Variants in TLR2 observed in about 807,000 individuals in gnomAD.
The protein encoded by TLR2 is toll-like receptor 2.
In TLR2, 7 loss-of-function variants were observed where a neutral mutation model predicts 9.1. The ratio of observed to expected loss-of-function variants is 0.77; its 90% CI spans 0.44 to 1.44. The LOEUF is 1.44. Ranked by LOEUF, TLR2 falls within the 40% of genes most tolerant of loss-of-function variation. TLR2 has a pLI of 0.01. For synonymous variants in TLR2, 317 were observed against 344.6 expected, an observed-to-expected ratio of 0.92 and a Z score of 0.89; for missense variants, 812 against 904.6, an observed-to-expected ratio of 0.90 and a Z score of 1.31.
chr4:153,710,483 C>A (rs757943437), downstream of TLR2: 1 of 1,609,230 alleles, frequency 6.2e-7, no homozygotes. Flanking sequence ...AATGTGTGCG[C>A]TCCCAGCTAA....
intron 1 of TLR2, among the ~76,000 whole-genome samples, 166 bp from the exon 2 acceptor site, chr4:153,687,736 C>T (rs977734647): frequency 1.2e-4 from 18 of 151,566 alleles, no homozygotes; most frequent in African/African-American, 4.4e-4. Context: ...AGGCAGACTC[C>T]TAGCTGAAGC....
intron 1 of TLR2, among the ~76,000 whole-genome samples, chr4:153,686,665 A>G (rs569246523): frequency 1.3e-5 from 2 of 152,310 alleles, no homozygotes; most frequent in East Asian, 1.9e-4. Context: ...TTTTGAATTT[A>G]TAAGTACTTA....
chr4:153,708,538 G>A (rs62323859), downstream of TLR2, among the ~76,000 whole-genome samples: 21,143 of 152,088 alleles, frequency 0.14, 1,969 homozygotes, highest in Non-Finnish European at 0.2. Flanking sequence ...TAATGAGAGA[G>A]GAGAAAATGA....
At position 153,704,126 on chromosome 4, in the gene TLR2, G is replaced by C; in HGVS notation, c.1219G>C (p.Glu407Gln). ...TTTGGCATCATTGGAAAAAACCGGA[G>C]AGACTTTGCTCACTCTGAAAAACTT... ...NHLASLEKTG[E>Q]TLLTLKNLTN... is the part of the protein sequence containing the mutation. Residue 407 changes from glutamate to glutamine, a missense_variant, in exon 3 of 3, where the codon GAG becomes CAG. Coordinates refer to ENST00000642700, the MANE Select transcript of TLR2 (RefSeq NM_001318789.2). The C allele has an allele frequency of 6.2e-7, 1 of 1,613,842 alleles. No individual in the cohort carries two copies. The highest frequency in any genetic ancestry group is 8.5e-7 in the Non-Finnish European group (1 of 1,179,984).
At chr4:153,699,762 T>C (rs780992647) in intron 2 of TLR2, among the ~76,000 whole-genome samples, 45 of 152,294 alleles carry the variant, frequency 3.0e-4, no homozygotes, top group Middle Eastern at 3.4e-3. Context: ...TTGAGGATGA[T>C]TGGGGATACA....
intron 2 of TLR2, chr4:153,702,382 A>T (rs1270386284): frequency 1.3e-5 from 2 of 152,202 alleles, no homozygotes; most frequent in African/African-American, 4.8e-5. Flanking sequence ...AAAGCATGCT[A>T]CTCCTGGAGT....
downstream of TLR2, chr4:153,710,462 T>A: frequency 6.2e-7 from 1 of 1,607,146 alleles, no homozygotes; most frequent in Non-Finnish European, 8.5e-7. Context: ...CCAGGATTTG[T>A]CCATACAGAA....
intron 2 of TLR2, chr4:153,688,543 C>T (rs182056538): frequency 2.6e-5 from 4 of 152,434 alleles, no homozygotes; most frequent in Admixed American, 2.6e-4. Flanking sequence ...CAGTGATAAG[C>T]ATTATCGCTA....
intron 2 of TLR2, among the ~76,000 whole-genome samples, chr4:153,692,911 G>A (rs542988079): frequency 2.0e-5 from 3 of 152,250 alleles, no homozygotes; most frequent in South Asian, 2.1e-4. Flanking sequence ...TGAAATGTCC[G>A]CTCCTGTATC....
In TLR2 at chr4:153,704,574, T is replaced by C. The variant is rs5743702; in HGVS notation, c.1667T>C (p.Ile556Thr). 1,314 of 1,614,016 alleles carry C rather than the reference T, an allele frequency of 8.1e-4. 1 individual carries two copies. Among genetic ancestry groups the C allele is most frequent in the Non-Finnish European group, 1.0e-3 (1,204 of 1,180,010 alleles). The change falls in exon 3 of 3, where the codon ATT becomes ACT. Residue 556 changes from isoleucine (I) to threonine (T), a missense_variant. By Grantham distance (89) the Ile-to-Thr change is moderately conservative. Transcript: ENST00000642700. ...CAGCAAGCACTGGCCAAAGTCTTGA[T>C]TGATTGGCCAGCAAATTACCTGTGT... ...QEQQALAKVL[I>T]DWPANYLCDS...
At chr4:153,700,925 T>C (rs1166411955) in intron 2 of TLR2, among the ~76,000 whole-genome samples, 6 of 152,116 alleles carry the variant, frequency 3.9e-5, no homozygotes, top group African/African-American at 1.4e-4. Context: ...TGAACATCCA[T>C]ATGGGAAAAA....
In TLR2 at chr4:153,705,384, T is replaced by C. The variant is rs561221872; in HGVS notation, c.*122T>C. The C allele has an allele frequency of 9.0e-7, 1 of 1,109,058 alleles. No homozygotes were observed. Among genetic ancestry groups the C allele is most frequent in the East Asian group, 2.8e-5 (1 of 35,652 alleles). 68.7% of individuals were successfully genotyped at this position (1,109,058 alleles called of 1,614,324 possible). A position where few individuals can be genotyped will look rare whatever the true frequency, so the allele number is the denominator to read the frequency against. ...GATGTACCGTCATTTGAGGACTTGC[T>C]TACTAAAACTACAAAACTTCAAATT... On this transcript the variant is annotated 3_prime_UTR_variant, in exon 3 of 3. Coordinates refer to ENST00000642700, the MANE Select transcript of TLR2 (RefSeq NM_001318789.2).
In TLR2 at chr4:153,705,113, C is replaced by T; in HGVS notation, c.2206C>T (p.Leu736Phe). ...DENNDAAILI[L>F]LEPIEKKAIP... is the part of the protein sequence containing the mutation. ...GAACAATGATGCTGCCATTCTCATTCTTCTGGAGCCCATTGAGAAAAAAGC... is the reference window on the plus strand; with the variant it reads ...GAACAATGATGCTGCCATTCTCATTTTTCTGGAGCCCATTGAGAAAAAAGC... The change falls in exon 3 of 3, where the codon CTT (leucine) becomes TTT (phenylalanine). Residue 736 changes from leucine (L) to phenylalanine (F), a missense_variant. Physicochemically the swap from Leu to Phe is conservative, Grantham distance 22. Coordinates refer to ENST00000642700, the MANE Select transcript of TLR2 (RefSeq NM_001318789.2). 1.2e-6 allele frequency: 2 copies of T among 1,614,176 alleles called. No individual in the cohort carries two copies. The highest frequency in any genetic ancestry group is 8.5e-7 in the Non-Finnish European group (1 of 1,180,040).
chr4:153,693,306 A>G (rs1400416212), intron 2 of TLR2, among the ~76,000 whole-genome samples: 2 of 152,212 alleles, frequency 1.3e-5, no homozygotes, highest in Non-Finnish European at 2.9e-5. Flanking sequence ...CAAAAGGAGA[A>G]CCTGTTCCAT....
At chr4:153,694,960 A>G (rs1038891517) in intron 2 of TLR2, among the ~76,000 whole-genome samples, 2 of 152,186 alleles carry the variant, frequency 1.3e-5, no homozygotes, top group Admixed American at 1.3e-4. Context: ...TTCACTTAAC[A>G]TAATATCCTC....
chr4:153,707,326 T>C (rs1262384501), downstream of TLR2, among the ~76,000 whole-genome samples: 2 of 151,980 alleles, frequency 1.3e-5, no homozygotes, highest in African/African-American at 2.4e-5. Context: ...GGCAGGAGGA[T>C]TGCTTGAGTC....
chr4:153,696,997 G>GTTTTT (rs1172875766), intron 2 of TLR2, among the ~76,000 whole-genome samples: 1 of 152,098 alleles, frequency 6.6e-6, no homozygotes, highest in Non-Finnish European at 1.5e-5. Flanking sequence ...GTTTTGTTTT[G>GTTTTT]TTAAGGAAAA....
In TLR2 at chr4:153,703,043, A is replaced by G. The variant is rs1444107002; in HGVS notation, c.136A>G (p.Ile46Val). ...CKGSSGSLNS[I>V]PSGLTEAVKS... is the part of the protein sequence containing the mutation. ...GGGCAGCTCAGGATCTTTAAACTCC[A>G]TTCCCTCAGGGCTCACAGAAGCTGT... is the stretch of plus-strand genomic sequence containing the variant. Residue 46 changes from isoleucine (I) to valine (V), a missense_variant, in exon 3 of 3, where the codon ATT (isoleucine) becomes GTT (valine). Transcript: ENST00000642700. 6.2e-7 allele frequency: 1 copy of G among 1,613,844 alleles called. No homozygotes were observed. Among genetic ancestry groups the G allele is most frequent in the Non-Finnish European group, 8.5e-7 (1 of 1,179,970 alleles).
At chr4:153,698,179 T>C (rs1330510124) in intron 2 of TLR2, among the ~76,000 whole-genome samples, 1 of 152,160 alleles carries the variant, frequency 6.6e-6, no homozygotes, top group Non-Finnish European at 1.5e-5. Context: ...ATCATACTAC[T>C]GGACTGGGTA....
Sources: allele counts gnomAD v4.1 joint callset (sites outside exome capture counted in the v4.1 genomes callset), GRCh38; gene constraint gnomAD v4.1.1; transcripts MANE v1.5; gene names NCBI Gene and HGNC (gene_info 2026-07-23, HGNC 2026-07-21).